The following FLNB variants were observed in gnomAD, a reference collection of about 807,000 sequenced individuals.
FLNB encodes the protein filamin-B.
In FLNB, 111 loss-of-function variants were observed where a neutral mutation model predicts 250.6. The ratio of observed to expected loss-of-function variants is 0.44; its 90% CI spans 0.38 to 0.52. The LOEUF (loss-of-function observed/expected upper bound fraction) is 0.52. FLNB is among the 20% of genes least tolerant of loss of function. FLNB has a pLI of 0.00. For synonymous variants in FLNB, 1,302 were observed against 1,372.1 expected, an observed-to-expected ratio of 0.95 and a Z score of 1.13; for missense variants, 2,869 against 3,447.8, an observed-to-expected ratio of 0.83 and a Z score of 4.20.
intron 2 of FLNB, among the ~76,000 whole-genome samples, chr3:58,077,548 G>T (rs942447955): frequency 2.0e-5 from 3 of 152,186 alleles, no homozygotes; most frequent in African/African-American, 7.2e-5. Flanking sequence ...TGAAGGAGTT[G>T]GTGCTTAGAA....
chr3:58,028,606 T>A (rs968308072), intron 1 of FLNB, among the ~76,000 whole-genome samples: 1 of 138,664 alleles, frequency 7.2e-6, no homozygotes, highest in Non-Finnish European at 1.5e-5. Flanking sequence ...AAAAAATTTT[T>A]TTTTCTTTTC....
At chr3:58,161,112 T>G (rs2097360882) in intron 42 of FLNB, among the ~76,000 whole-genome samples, 1 of 152,196 alleles carries the variant, frequency 6.6e-6, no homozygotes, top group African/African-American at 2.4e-5. Flanking sequence ...GGTTTTAGTC[T>G]GAAAGGCCAA....
Position 58,123,388 on chromosome 3 carries a change from C to G in FLNB, c.3422C>G (p.Pro1141Arg), listed in dbSNP as rs907678456. Residue 1141 changes from proline (P) to arginine (R), a missense_variant, in exon 21 of 46, where the codon CCA becomes CGA. By Grantham distance (103) the Pro-to-Arg change is moderately radical (BLOSUM62 -2). This residue lies in a region of FLNB where 1,348 missense variants were observed against 1,466.7 expected (regional missense o/e 0.92). Coordinates refer to ENST00000295956, the MANE Select transcript of FLNB (RefSeq NM_001457.4). Reference protein sequence around the residue: ...FDPSKVVASGPGLEHGKVGEA... With the variant: ...FDPSKVVASGRGLEHGKVGEA... Reference sequence around the variant, plus strand: ...CCCTCTAAAGTCGTGGCATCGGGGCCAGGTCTCGAGCACGGGAAGGTGGGT... The same window carrying G: ...CCCTCTAAAGTCGTGGCATCGGGGCGAGGTCTCGAGCACGGGAAGGTGGGT... The G allele has an allele frequency of 4.3e-6, 7 of 1,614,038 alleles. No homozygotes were observed. The African/African-American group carries it at 5.3e-5, about 12-fold the overall frequency.
intron 6 of FLNB, 127 bp downstream of exon 6, chr3:58,096,345 T>C (rs759273238): frequency 9.4e-6 from 7 of 743,784 alleles, no homozygotes; most frequent in Admixed American, 4.1e-5. Flanking sequence ...GAAGGATCTA[T>C]GCTCATGATA....
At chr3:58,052,397 C>T (rs1278514669) in intron 1 of FLNB, among the ~76,000 whole-genome samples, 9 of 152,144 alleles carry the variant, frequency 5.9e-5, no homozygotes, top group African/African-American at 1.9e-4. Flanking sequence ...TTAAGATGGA[C>T]CCAGCCCACT....
At chr3:58,140,205 T>G (rs1013942727) in intron 29 of FLNB, among the ~76,000 whole-genome samples, 3 of 152,224 alleles carry the variant, frequency 2.0e-5, no homozygotes, top group Non-Finnish European at 4.4e-5. Context: ...CGACCAGCAC[T>G]GCAGTCATAG....
intron 8 of FLNB, among the ~76,000 whole-genome samples, chr3:58,100,385 T>TATATATATATATATA (rs71091344): frequency 7.8e-6 from 1 of 128,096 alleles, no homozygotes; most frequent in Non-Finnish European, 1.6e-5. Flanking sequence ...TATATATATA[T>TATATATATATATATA]TTGCAGGGGC....
At chr3:58,056,456 A>G (rs749820053) in intron 1 of FLNB, among the ~76,000 whole-genome samples, 2 of 152,174 alleles carry the variant, frequency 1.3e-5, no homozygotes, top group South Asian at 2.1e-4. Context: ...ATCAAATACA[A>G]TGAAACACAC....
At chr3:58,116,108 C>T (rs1307772028) in intron 18 of FLNB, among the ~76,000 whole-genome samples, 1 of 151,856 alleles carries the variant, frequency 6.6e-6, no homozygotes, top group Non-Finnish European at 1.5e-5. Context: ...GGCCTAAGAA[C>T]GTTGTAATCT....
intron 19 of FLNB, among the ~76,000 whole-genome samples, chr3:58,120,946 T>C (rs905397092): frequency 2.0e-5 from 3 of 152,224 alleles, no homozygotes; most frequent in African/African-American, 7.2e-5. Context: ...CATAGGATTG[T>C]GGTGAAAATT....
rs1575485296 is a variant in FLNB at position 58,169,348 on chromosome 3, T to C, written c.7418-242T>C. 1.8e-6 allele frequency: 1 copy of C among 549,344 alleles called. No individual in the cohort carries two copies. Among genetic ancestry groups the C allele is most frequent in the Non-Finnish European group, 3.3e-6 (1 of 304,088 alleles). The allele number at this position is 549,344 out of a possible 1,614,324, so 34.0% of individuals were successfully genotyped here. A position where few individuals can be genotyped will look rare whatever the true frequency, so the allele number is the denominator to read the frequency against. ...GGGGTGGGGGGATTGGGAGGGTCCT[T>C]GGCCTTGTCAGCCAAGGCCAGACTC... On this transcript the variant is annotated intron_variant, in intron 44 of 45. Coordinates refer to ENST00000295956, the MANE Select transcript of FLNB (RefSeq NM_001457.4). The surrounding 1 kb of genome is among the most constrained non-coding windows in gnomAD (Gnocchi z 4.8).
chr3:58,082,486 A>G (rs1576685019), intron 4 of FLNB, among the ~76,000 whole-genome samples: 1 of 152,122 alleles, frequency 6.6e-6, no homozygotes, highest in East Asian at 1.9e-4. Context: ...TTAAGAAAAT[A>G]TCGGCCGGGT....
chr3:58,068,555 G>C lies in FLNB; in HGVS notation c.293-8491G>C, dbSNP rs944687759. Among the ~76,000 whole-genome samples, 6 of 152,210 alleles carry C rather than the reference G, an allele frequency of 3.9e-5. No homozygotes were observed. The East Asian group carries it at 1.2e-3, about 29-fold the overall frequency. On this transcript the variant is annotated intron_variant, in intron 1 of 45. Transcript: ENST00000295956. ...GAGGAACTGAGGAGAGCTGTCAGCT[G>C]TCCCCGCTTTGGTTCAGAATGCCCT...
chr3:58,163,605 T>C, intron 43 of FLNB: 1 of 485,072 alleles, frequency 2.1e-6, no homozygotes, highest in Non-Finnish European at 3.8e-6. Flanking sequence ...TTCTTGACTT[T>C]CAGAACAGGA....
intron 18 of FLNB, among the ~76,000 whole-genome samples, chr3:58,118,132 G>A (rs1200014646): frequency 6.6e-6 from 1 of 152,228 alleles, no homozygotes; most frequent in Non-Finnish European, 1.5e-5. Context: ...GGAGAGAAAT[G>A]GCGCACACAT....
chr3:58,101,144 GGTAT>G (rs1207632835), intron 8 of FLNB, among the ~76,000 whole-genome samples: 2 of 152,122 alleles, frequency 1.3e-5, no homozygotes, highest in African/African-American at 4.8e-5. Flanking sequence ...TAACTCCAAG[GGTAT>G]GTGTATGACT....
chr3:58,026,462 G>A (rs897911993), intron 1 of FLNB, among the ~76,000 whole-genome samples: 2 of 152,162 alleles, frequency 1.3e-5, no homozygotes, highest in Non-Finnish European at 2.9e-5. Context: ...TGGAGCTGGC[G>A]ACAATATTTT....
rs771808375 is a variant in FLNB, at chr3:58,103,991, T to C, written c.1516T>C (p.Phe506Leu). 4.3e-6 allele frequency: 7 copies of C among 1,614,088 alleles called. No homozygotes were observed. In the East Asian group the frequency reaches 1.6e-4, roughly 36 times the overall value. The change falls in exon 10 of 46, where the codon TTT (phenylalanine) becomes CTT (leucine). Residue 506 changes from phenylalanine (F) to leucine (L), a missense_variant. Phe to Leu is a conservative substitution (Grantham distance 22, BLOSUM62 0). Coordinates refer to ENST00000295956, the MANE Select transcript of FLNB (RefSeq NM_001457.4). Reference sequence around the variant, plus strand: ...GGAGGAGCTGGTGAAGCAGAAAGACTTTCTGGATGGGGTCTACGCATTCGA... The same window carrying C: ...GGAGGAGCTGGTGAAGCAGAAAGACCTTCTGGATGGGGTCTACGCATTCGA... ...GLEELVKQKDFLDGVYAFEYY... is the reference protein window; with the variant it reads ...GLEELVKQKDLLDGVYAFEYY...
At chr3:58,062,262 A>C (rs1483869399) in intron 1 of FLNB, among the ~76,000 whole-genome samples, 1 of 152,260 alleles carries the variant, frequency 6.6e-6, no homozygotes, top group Non-Finnish European at 1.5e-5. Context: ...TCTGAAAAAC[A>C]GGATTGTACA....
Sources: allele counts gnomAD v4.1 joint callset (sites outside exome capture counted in the v4.1 genomes callset), GRCh38; gene constraint gnomAD v4.1.1; regional missense constraint gnomAD v4.1.1; non-coding constraint Gnocchi (gnomAD v3.1); transcripts MANE v1.5; gene names NCBI Gene and HGNC (gene_info 2026-07-23, HGNC 2026-07-21).